The following RALYL variants were observed in gnomAD, a reference collection of about 807,000 sequenced individuals.
RALYL encodes RALY RNA binding protein like.
In RALYL, 29 loss-of-function variants were observed where a neutral mutation model predicts 35.1. That is an observed-to-expected ratio of 0.83 (90% CI 0.61 to 1.13). RALYL has a LOEUF of 1.13. Ranked by LOEUF, RALYL falls within the 50% of genes most tolerant of loss-of-function variation. RALYL has a pLI of 0.00. For synonymous variants in RALYL, 120 were observed against 127.6 expected (o/e 0.94, Z 0.40); for missense variants, 359 against 360.4 (o/e 1.00, Z 0.03).
chr8:84,501,834 T>C (rs2056695226), intron 1 of RALYL, among the ~76,000 whole-genome samples: 1 of 149,424 alleles, frequency 6.7e-6, no homozygotes, highest in South Asian at 2.1e-4. Flanking sequence ...TATTAATAAA[T>C]AATATAGATC....
chr8:84,704,528 G>A (rs1385764564), intron 2 of RALYL, among the ~76,000 whole-genome samples: 1 of 151,582 alleles, frequency 6.6e-6, no homozygotes, highest in African/African-American at 2.4e-5. Flanking sequence ...CCTACTTTGT[G>A]CCAGGCATTG....
chr8:84,193,264 T>G (rs574219818), intron 1 of RALYL, among the ~76,000 whole-genome samples: 37 of 152,284 alleles, frequency 2.4e-4, no homozygotes, highest in African/African-American at 8.4e-4. Flanking sequence ...AAAATATGAA[T>G]GCATCTTTAT....
intron 1 of RALYL, among the ~76,000 whole-genome samples, chr8:84,403,554 TA>T (rs1350998624): frequency 1.6e-4 from 22 of 140,338 alleles, no homozygotes; most frequent in African/African-American, 5.8e-4. Flanking sequence ...TTTTTTTTTT[TA>T]ACCAGTACCA....
intron 1 of RALYL, among the ~76,000 whole-genome samples, chr8:84,423,750 G>A (rs1196077200): frequency 6.6e-6 from 1 of 151,638 alleles, no homozygotes; most frequent in Non-Finnish European, 1.5e-5. Flanking sequence ...GCCTGGTGGT[G>A]ACAAAATCGG....
intron 1 of RALYL, among the ~76,000 whole-genome samples, chr8:84,228,485 T>C (rs573844316): frequency 2.9e-4 from 44 of 152,286 alleles, no homozygotes; most frequent in African/African-American, 9.9e-4. Flanking sequence ...AACTTTTGTA[T>C]GCAGTTGGAA....
intron 1 of RALYL, among the ~76,000 whole-genome samples, chr8:84,185,645 CT>C (rs764407209): frequency 4.2e-4 from 64 of 152,062 alleles, no homozygotes; most frequent in African/African-American, 1.3e-3. Context: ...ATTTTCTTAC[CT>C]TTTCCCCCCT....
intron 1 of RALYL, among the ~76,000 whole-genome samples, chr8:84,267,077 T>C (rs976373991): frequency 1.3e-5 from 2 of 148,296 alleles, no homozygotes; most frequent in Non-Finnish European, 2.9e-5. Context: ...AAGCAGCGGA[T>C]GTGCTCATTA....
At chr8:84,402,605 C>T (rs2061866) in intron 1 of RALYL, among the ~76,000 whole-genome samples, 56,730 of 151,880 alleles carry the variant, frequency 0.37, 11,013 homozygotes, top group South Asian at 0.58. Flanking sequence ...ATTCTTAACA[C>T]TATGATCTTA....
chr8:84,191,794 A>T (rs1047221302), intron 1 of RALYL, among the ~76,000 whole-genome samples: 6 of 152,192 alleles, frequency 3.9e-5, no homozygotes, highest in African/African-American at 1.4e-4. Context: ...ACAATTAATA[A>T]TTAAATTGAG....
chr8:84,770,456 G>A (rs1044117816), intron 2 of RALYL, among the ~76,000 whole-genome samples: 4 of 120,196 alleles, frequency 3.3e-5, no homozygotes, highest in African/African-American at 1.2e-4. Context: ...TGATTGATGG[G>A]CCTTTGGGCT....
At chr8:84,396,469 C>T (rs79469657) in intron 1 of RALYL, among the ~76,000 whole-genome samples, 4,967 of 152,154 alleles carry the variant, frequency 0.033, 128 homozygotes, top group Middle Eastern at 0.055. Flanking sequence ...TTTATTCACT[C>T]ATTCATTCAT....
intron 2 of RALYL, among the ~76,000 whole-genome samples, chr8:84,742,268 G>C (rs1807549453): frequency 6.6e-6 from 1 of 151,840 alleles, no homozygotes; most frequent in Non-Finnish European, 1.5e-5. Context: ...CTGCCAACAA[G>C]AATCAGTGTT....
intron 1 of RALYL, among the ~76,000 whole-genome samples, chr8:84,296,961 T>G (rs1172809329): frequency 6.6e-6 from 1 of 151,832 alleles, no homozygotes; most frequent in Non-Finnish European, 1.5e-5. Flanking sequence ...ATTCTATATG[T>G]GACAGATGAG....
In RALYL at chr8:84,650,310, G is replaced by T. The variant is rs567171047; in HGVS notation, c.256+120733G>T. On this transcript the variant is annotated intron_variant, in intron 2 of 8. Transcript: ENST00000521268. ...CCTAATTGCCCTGGAGAAAATTTTT[G>T]CAACCTACTCATCTGACAAAGGGCT... 3.3e-5 allele frequency among the ~76,000 whole-genome samples: 5 copies of T among 151,856 alleles called. No individual in the cohort carries two copies. In the East Asian group the frequency reaches 9.7e-4, roughly 30 times the overall value.
chr8:84,204,968 A>G (rs1174407933), intron 1 of RALYL, among the ~76,000 whole-genome samples: 1 of 152,122 alleles, frequency 6.6e-6, no homozygotes, highest in African/African-American at 2.4e-5. Context: ...CACTGGGCCT[A>G]TGCTTCTTGC....
At chr8:84,565,636 C>T (rs2061735137) in intron 2 of RALYL, among the ~76,000 whole-genome samples, 1 of 151,396 alleles carries the variant, frequency 6.6e-6, no homozygotes, top group African/African-American at 2.4e-5. Context: ...CAACAACTCT[C>T]AGGAAAAGAA....
chr8:84,241,397 C>T (rs908133627), intron 1 of RALYL, among the ~76,000 whole-genome samples: 1 of 152,124 alleles, frequency 6.6e-6, no homozygotes, highest in Non-Finnish European at 1.5e-5. Context: ...CTGAAAAGCT[C>T]TGTGTGCTTG....
chr8:84,607,348 A>G (rs930461081), intron 2 of RALYL, among the ~76,000 whole-genome samples: 2 of 152,140 alleles, frequency 1.3e-5, no homozygotes, highest in African/African-American at 4.8e-5. Context: ...TACAAAGGCA[A>G]TTTTGGTTAG....
chr8:84,526,794 A>G (rs2134863711), intron 1 of RALYL, among the ~76,000 whole-genome samples: 1 of 152,216 alleles, frequency 6.6e-6, no homozygotes, highest in Middle Eastern at 3.4e-3. Flanking sequence ...TAGACCTGAA[A>G]TATGTTTTAC....
Sources: allele counts gnomAD v4.1 joint callset (sites outside exome capture counted in the v4.1 genomes callset), GRCh38; gene constraint gnomAD v4.1.1; transcripts MANE v1.5; gene names NCBI Gene and HGNC (gene_info 2026-07-23, HGNC 2026-07-21).